Variants in PRKAA2 observed in about 807,000 individuals in gnomAD.
PRKAA2 encodes protein kinase AMP-activated catalytic subunit alpha 2.
A neutral mutation model predicts 56.3 loss-of-function variants in PRKAA2; 40 were observed. The ratio of observed to expected loss-of-function variants is 0.71; its 90% confidence interval spans 0.55 to 0.92. PRKAA2 has a LOEUF of 0.92. Among genes scored for constraint, PRKAA2 ranks in the 40% least tolerant of loss-of-function variants. PRKAA2 has a pLI of 0.00. For missense variants in PRKAA2, 542 were observed against 686.9 expected, an observed-to-expected ratio of 0.79 and a Z score of 2.36; for synonymous variants, 214 against 234.2, an observed-to-expected ratio of 0.91 and a Z score of 0.79.
At chr1:56,700,145 G>A (rs1348894361) in intron 6 of PRKAA2, among the ~76,000 whole-genome samples, 1 of 152,044 alleles carries the variant, frequency 6.6e-6, no homozygotes, top group Non-Finnish European at 1.5e-5. Context: ...TGCTACTTCT[G>A]TTTGTTTAGT....
At chr1:56,706,000 A>C in intron 7 of PRKAA2, 92 bp from the exon 8 acceptor site, 23 of 1,020,702 alleles carry the variant, frequency 2.3e-5, no homozygotes, top group Non-Finnish European at 3.1e-5. Context: ...TTCCTTTCCT[A>C]CCTCACCCCT....
At chr1:56,700,386 T>C (rs1162084315) in intron 6 of PRKAA2, among the ~76,000 whole-genome samples, 7 of 152,192 alleles carry the variant, frequency 4.6e-5, no homozygotes, top group Non-Finnish European at 1.0e-4. Flanking sequence ...TTCCTGCTTG[T>C]GCAGAGCCTC....
intron 1 of PRKAA2, among the ~76,000 whole-genome samples, chr1:56,655,263 T>TATAC (rs1215347261): frequency 5.3e-5 from 1 of 18,882 alleles, no homozygotes; most frequent in Non-Finnish European, 1.1e-4. Context: ...TATGTATTTA[T>TATAC]ATATCTATAT....
chr1:56,712,243 G>C lies in PRKAA2; in HGVS notation c.*4530G>C, dbSNP rs553363317. 62 of 152,234 alleles carry C rather than the reference G, an allele frequency of 4.1e-4. No homozygotes were observed. Among genetic ancestry groups the C allele is most frequent in the African/African-American group, 1.4e-3 (58 of 41,552 alleles). 9.4% of individuals were successfully genotyped at this position (152,234 alleles called of 1,614,324 possible). ...AGCAGTGATCAATTGCTCTTTATAG[G>C]AAACCACCTTTCCTCTGGGGAAGAA... is the stretch of plus-strand genomic sequence containing the variant. On this transcript the variant is annotated 3_prime_UTR_variant, in exon 9 of 9. Coordinates refer to ENST00000371244, the MANE Select transcript of PRKAA2 (RefSeq NM_006252.4).
chr1:56,678,985 T>C (rs752437010), intron 2 of PRKAA2, among the ~76,000 whole-genome samples: 4 of 152,204 alleles, frequency 2.6e-5, no homozygotes, highest in Non-Finnish European at 5.9e-5. Flanking sequence ...TGAGCCACCA[T>C]GCCCAGCCTA....
chr1:56,647,831 A>G (rs1049396276), intron 1 of PRKAA2, among the ~76,000 whole-genome samples: 1 of 151,618 alleles, frequency 6.6e-6, no homozygotes, highest in African/African-American at 2.4e-5. Flanking sequence ...GGAGTTTGAG[A>G]CCAGCCTGGC....
intron 1 of PRKAA2, among the ~76,000 whole-genome samples, chr1:56,661,055 A>G (rs1410701862): frequency 6.6e-6 from 1 of 152,118 alleles, no homozygotes; most frequent in Non-Finnish European, 1.5e-5. Flanking sequence ...TGTGCATTAC[A>G]TAACGCTGCT....
chr1:56,692,635 G>A, intron 4 of PRKAA2, 133 bp downstream of exon 4: 1 of 798,030 alleles, frequency 1.3e-6, no homozygotes, highest in South Asian at 3.5e-5. Flanking sequence ...AATCTCCTCA[G>A]TAGCTTTTTT....
rs1414111964 is a variant in PRKAA2, at chr1:56,713,956, C to T, written c.*6243C>T. ...TATATTTTCTTTTTTTCTAATCCCT[C>T]TCAGTTCTCCTTAGATCTGCCTCCT... On this transcript the variant is annotated 3_prime_UTR_variant, in exon 9 of 9. Transcript: ENST00000371244. The T allele has an allele frequency of 1.3e-5, 2 of 151,096 alleles. No individual in the cohort carries two copies. The highest frequency in any genetic ancestry group is 2.9e-5 in the Non-Finnish European group (2 of 67,842). 9.4% of individuals were successfully genotyped at this position (151,096 alleles called of 1,614,324 possible).
At chr1:56,674,331 T>A (rs1244352532) in intron 1 of PRKAA2, 50 bp from the exon 2 acceptor site, 5 of 1,431,104 alleles carry the variant, frequency 3.5e-6, no homozygotes, top group Non-Finnish European at 4.7e-6. Context: ...CATGAATAAA[T>A]GATTATGTTG....
chr1:56,702,382 A>G (rs1449054618), intron 6 of PRKAA2, among the ~76,000 whole-genome samples: 1 of 152,226 alleles, frequency 6.6e-6, no homozygotes, highest in African/African-American at 2.4e-5. Flanking sequence ...GGCGCCCAGC[A>G]TCATTTTTAT....
intron 1 of PRKAA2, among the ~76,000 whole-genome samples, chr1:56,667,302 CT>C (rs1468025250): frequency 1.3e-5 from 2 of 152,044 alleles, no homozygotes; most frequent in Non-Finnish European, 2.9e-5. Flanking sequence ...AAGGTCTGGC[CT>C]TCAGACTGTT....
At chr1:56,683,983 T>C (rs1644173855) in intron 2 of PRKAA2, among the ~76,000 whole-genome samples, 2 of 152,112 alleles carry the variant, frequency 1.3e-5, no homozygotes, top group African/African-American at 2.4e-5. Context: ...GGGAAACCAA[T>C]TGGGAGTCAA....
At chr1:56,695,576 T>G (rs1486329160) in intron 5 of PRKAA2, among the ~76,000 whole-genome samples, 1 of 152,174 alleles carries the variant, frequency 6.6e-6, no homozygotes, top group Non-Finnish European at 1.5e-5. Context: ...TAATAGTTCT[T>G]TGGGAAAAAG....
In PRKAA2 at chr1:56,707,972, T is replaced by A. The variant is rs1258072100; in HGVS notation, c.*259T>A. Reference sequence around the variant, plus strand: ...ATAGGTTAATATCAATGAAGATTTTTAATTACAATAATGAGTTCACTACAG... The same window carrying A: ...ATAGGTTAATATCAATGAAGATTTTAAATTACAATAATGAGTTCACTACAG... On this transcript the variant is annotated 3_prime_UTR_variant, in exon 9 of 9. Coordinates refer to ENST00000371244, the MANE Select transcript of PRKAA2 (RefSeq NM_006252.4). 2 of 470,108 alleles carry A rather than the reference T, an allele frequency of 4.3e-6. No homozygotes were observed. The highest frequency in any genetic ancestry group is 7.6e-6 in the Non-Finnish European group (2 of 261,812). The allele number at this position is 470,108 out of a possible 1,614,324, so 29.1% of individuals were successfully genotyped here.
intron 6 of PRKAA2, among the ~76,000 whole-genome samples, chr1:56,700,928 C>T (rs1644289440): frequency 6.6e-6 from 1 of 152,110 alleles, no homozygotes; most frequent in Admixed American, 6.5e-5. Context: ...GGGAAGCGGA[C>T]TTAGGGCAAC....
chr1:56,696,325 T>A (rs932590819), intron 6 of PRKAA2, among the ~76,000 whole-genome samples, 166 bp downstream of exon 6: 1 of 152,192 alleles, frequency 6.6e-6, no homozygotes, highest in African/African-American at 2.4e-5. Flanking sequence ...ACATAGATTT[T>A]ATGCCTTCAT....
rs1181126631 is a variant in PRKAA2 at position 56,678,300 on chromosome 1, T to C, written c.236+3778T>C. 2.0e-5 allele frequency among the ~76,000 whole-genome samples: 3 copies of C among 152,234 alleles called. No individual in the cohort carries two copies. The East Asian group carries it at 5.8e-4, about 29-fold the overall frequency. ...TTATTGACATCGTCTGTAACAGTGT[T>C]AGTGATTTAAACAGAGAGAGCAACC... is the stretch of plus-strand genomic sequence containing the variant. On this transcript the variant is annotated intron_variant, in intron 2 of 8. Coordinates refer to ENST00000371244, the MANE Select transcript of PRKAA2 (RefSeq NM_006252.4).
intron 7 of PRKAA2, among the ~76,000 whole-genome samples, 154 bp downstream of exon 7, chr1:56,704,629 A>G (rs889360521): frequency 6.6e-6 from 1 of 152,200 alleles, no homozygotes; most frequent in Non-Finnish European, 1.5e-5. Flanking sequence ...TAAGGATGAA[A>G]AGTGGTTGAT....
Sources: allele counts gnomAD v4.1 joint callset (sites outside exome capture counted in the v4.1 genomes callset), GRCh38; gene constraint gnomAD v4.1.1; transcripts MANE v1.5; gene names NCBI Gene and HGNC (gene_info 2026-07-23, HGNC 2026-07-21).